APEH: variants seen among roughly 807,000 people sequenced by gnomAD.
APEH encodes the protein acylaminoacyl-peptide hydrolase.
A neutral mutation model predicts 102.7 loss-of-function variants in APEH; 75 were observed. That is an observed-to-expected ratio of 0.73 (90% confidence interval 0.61 to 0.89). The LOEUF (loss-of-function observed/expected upper bound fraction) is 0.89, where lower values mean the gene tolerates loss of function less well. Ranked by LOEUF, APEH falls within the 40% of genes least tolerant of loss-of-function variation. The probability of loss-of-function intolerance (pLI) is 0.00; values close to 1 mark genes in which losing one functional copy is unlikely to be tolerated. For missense variants in APEH, 863 were observed against 941.2 expected (o/e 0.92, Z 1.09); for synonymous variants, 344 against 362.7 (o/e 0.95, Z 0.59).
intron 17 of APEH, 76 bp downstream of exon 17, chr3:49,682,043 C>A: frequency 6.8e-7 from 1 of 1,465,036 alleles, no homozygotes; most frequent in South Asian, 1.1e-5. Context: ...GTATAAGTAC[C>A]ATGGGTGCCA....
chr3:49,679,042 C>T lies in APEH; in HGVS notation c.1158+93C>T, dbSNP rs2053201067. 5.7e-6 allele frequency: 6 copies of T among 1,050,892 alleles called. No homozygotes were observed. Among genetic ancestry groups the T allele is most frequent in the Non-Finnish European group, 7.1e-6 (5 of 705,768 alleles). The allele number at this position is 1,050,892 out of a possible 1,614,324, so 65.1% of individuals were successfully genotyped here. The stretch of plus-strand genomic sequence containing the variant: ...TGTGCATGCCCCTGGGTGGAATGCC[C>T]AGCCACAAAGTCTCATCAGCCCCTT... On this transcript the variant is annotated intron_variant, in intron 12 of 21. Coordinates refer to ENST00000296456, the MANE Select transcript of APEH (RefSeq NM_001640.4). This position sits in a 1 kb window ranked among gnomAD's most constrained non-coding sequence, Gnocchi z 4.3.
intron 3 of APEH, 102 bp downstream of exon 3, chr3:49,675,411 G>A: frequency 2.7e-6 from 4 of 1,504,924 alleles, no homozygotes; most frequent in Non-Finnish European, 3.6e-6. Flanking sequence ...CCAGCAGCCA[G>A]GTTCTTGCCC....
At position 49,675,906 on chromosome 3, in the gene APEH, C is replaced by A. The variant is rs372455516; in HGVS notation, c.382C>A (p.Arg128=). The A allele has an allele frequency of 6.2e-7, 1 of 1,614,122 alleles. No homozygotes were observed. The highest frequency in any genetic ancestry group is 8.5e-7 in the Non-Finnish European group (1 of 1,180,020). Reference sequence around the variant, plus strand: ...ATGTCCTCAGGTCTGGGAGAAGAACCGGAAGCTCAAGAGCTTCAACCTGTC... The same window carrying A: ...ATGTCCTCAGGTCTGGGAGAAGAACAGGAAGCTCAAGAGCTTCAACCTGTC... ...KQFLEVWEKN[R]KLKSFNLSAL... Residue 128 remains arginine (R), a synonymous_variant, in exon 5 of 22, where the codon CGG becomes AGG. Coordinates refer to ENST00000296456, the MANE Select transcript of APEH (RefSeq NM_001640.4).
chr3:49,675,870 C>T, intron 4 of APEH, 21 bp from the exon 5 acceptor site: 6 of 1,613,958 alleles, frequency 3.7e-6, no homozygotes, highest in Non-Finnish European at 5.1e-6. Flanking sequence ...GGCAAACAGC[C>T]TAATGCCCAG....
At position 49,681,128 on chromosome 3, in the gene APEH, A is replaced by G; in HGVS notation, c.1327A>G (p.Lys443Glu). 1 of 1,601,878 alleles carries G rather than the reference A, an allele frequency of 6.2e-7. No individual in the cohort carries two copies. The highest frequency in any genetic ancestry group is 1.1e-5 in the South Asian group (1 of 89,718). Reference sequence around the variant, plus strand: ...AGTTGGGTTCCTGCCTTCTGCAGGGAAGGAGCAGTCAGTGTTGTGGGTGTC... The same window carrying G: ...AGTTGGGTTCCTGCCTTCTGCAGGGGAGGAGCAGTCAGTGTTGTGGGTGTC... ...LKVGFLPSAG[K>E]EQSVLWVSLE... The change falls in exon 15 of 22, where the codon AAG becomes GAG. Residue 443 changes from lysine to glutamate, a missense_variant. By Grantham distance (56) the Lys-to-Glu change is moderately conservative (BLOSUM62 1). Coordinates refer to ENST00000296456, the MANE Select transcript of APEH (RefSeq NM_001640.4).
chr3:49,679,575 G>A lies in APEH; in HGVS notation c.1159-18G>A. 2 of 1,613,652 alleles carry A rather than the reference G, an allele frequency of 1.2e-6. No homozygotes were observed. Among genetic ancestry groups the A allele is most frequent in the Non-Finnish European group, 8.5e-7 (1 of 1,179,660 alleles). ...ACTCTTGGATGTGGTCGCACCTGTG[G>A]CCTTGCCTCTGCTTCAGGACCTGTT... On this transcript the variant is annotated intron_variant, in intron 12 of 21. Transcript: ENST00000296456. The surrounding 1 kb of genome is among the most constrained non-coding windows in gnomAD (Gnocchi z 4.3).
At chr3:49,675,623 G>T (rs752799388) in intron 3 of APEH, 71 bp from the exon 4 acceptor site, 4 of 1,417,832 alleles carry the variant, frequency 2.8e-6, no homozygotes, top group Admixed American at 3.4e-5. Flanking sequence ...TCTCCTAAGA[G>T]GTGTGCCCAG....
chr3:49,673,204 A>T (rs2052855807), upstream of APEH, among the ~76,000 whole-genome samples: 1 of 148,770 alleles, frequency 6.7e-6, no homozygotes, highest in Admixed American at 6.8e-5. Context: ...AATCACAAGC[A>T]CGCCATGGAG....
At position 49,683,153 on chromosome 3, in the gene APEH, G is replaced by A. The variant is rs778957177; in HGVS notation, c.2093+7G>A. The A allele has an allele frequency of 6.2e-7, 1 of 1,613,580 alleles. No homozygotes were observed. The highest frequency in any genetic ancestry group is 8.5e-7 in the Non-Finnish European group (1 of 1,179,536). The stretch of plus-strand genomic sequence containing the variant: ...CCCGGAATGTGCCTGTTCGGTGAGT[G>A]CAGCATGAAGGCCCTGGCAGCTGGT... On this transcript the variant is annotated splice_region_variant and intron_variant, in intron 21 of 21. Coordinates refer to ENST00000296456, the MANE Select transcript of APEH (RefSeq NM_001640.4).
At chr3:49,682,198 A>C (rs183007669) in intron 17 of APEH, 150 bp from the exon 18 acceptor site, 51 of 913,290 alleles carry the variant, frequency 5.6e-5, no homozygotes, top group Non-Finnish European at 6.2e-5. Context: ...ACTGGGTGGC[A>C]GCCTCAAATC....
At chr3:49,683,187 G>T in intron 21 of APEH, 41 bp downstream of exon 21, 1 of 1,609,946 alleles carries the variant, frequency 6.2e-7, no homozygotes, top group Non-Finnish European at 8.5e-7. Context: ...GTGGGCAGGT[G>T]AGCACAGGAG....
chr3:49,678,833 A>G lies in APEH; in HGVS notation c.1061-19A>G. ...TACCTCCACTCCTGGATGCAGCCTC[A>G]GCCCTCCTATCTTTACAGAGAACTT... is the stretch of plus-strand genomic sequence containing the variant. On this transcript the variant is annotated intron_variant, in intron 11 of 21. Transcript: ENST00000296456. 1 of 1,595,802 alleles carries G rather than the reference A, an allele frequency of 6.3e-7. No homozygotes were observed. Among genetic ancestry groups the G allele is most frequent in the East Asian group, 2.2e-5 (1 of 44,796 alleles).
Position 49,674,579 on chromosome 3 carries a change from G to A in APEH, c.103G>A (p.Val35Ile). Residue 35 changes from valine (V) to isoleucine (I), a missense_variant, in exon 2 of 22, where the codon GTC (valine) becomes ATC (isoleucine). Val to Ile is a conservative substitution (Grantham distance 29). Coordinates refer to ENST00000296456, the MANE Select transcript of APEH (RefSeq NM_001640.4). ...GAGCGCCGCCTGCCTGGGCCCGGAG[G>A]TCACCACGCAGTACGGCGGCCAATA... ...ALSAACLGPE[V>I]TTQYGGQYRT... 1.9e-6 allele frequency: 3 copies of A among 1,577,300 alleles called. No homozygotes were observed. Among genetic ancestry groups the A allele is most frequent in the Non-Finnish European group, 2.6e-6 (3 of 1,171,178 alleles).
chr3:49,682,045 T>C (rs747477181), intron 17 of APEH, 78 bp downstream of exon 17: 184 of 1,457,202 alleles, frequency 1.3e-4, no homozygotes, highest in Admixed American at 2.3e-4. Context: ...ATAAGTACCA[T>C]GGGTGCCACT....
At chr3:49,683,017 C>T (rs779281467) in intron 20 of APEH, 23 bp from the exon 21 acceptor site, 1 of 1,612,506 alleles carries the variant, frequency 6.2e-7, no homozygotes, top group Non-Finnish European at 8.5e-7. Context: ...AACACAGCTC[C>T]CCACTCTTCC....
intron 2 of APEH, 56 bp from the exon 3 acceptor site, chr3:49,675,127 G>A (rs2052964213): frequency 6.2e-7 from 1 of 1,611,140 alleles, no homozygotes. Context: ...TGGGGCTGGG[G>A]GCAGTAGCCA....
In APEH at chr3:49,676,634, G is replaced by T. The variant is rs760857017; in HGVS notation, c.770G>T (p.Gly257Val). The T allele has an allele frequency of 6.2e-7, 1 of 1,614,160 alleles. No individual in the cohort carries two copies. Among genetic ancestry groups the T allele is most frequent in the African/African-American group, 1.3e-5 (1 of 74,952 alleles). Residue 257 changes from glycine (G) to valine (V), a missense_variant, in exon 8 of 22, where the codon GGT (glycine) becomes GTT (valine). Transcript: ENST00000296456. ...GQAFWAPGDA[G>V]VVFVGWWHEP... ...GCATTTTGGGCCCCTGGAGATGCTG[G>T]TGTGGTGTTTGTGGGCTGGTGGCAT...
chr3:49,674,094 C>T, upstream of APEH: 2 of 477,502 alleles, frequency 4.2e-6, no homozygotes, highest in East Asian at 3.7e-5. Flanking sequence ...CTCCGAGATC[C>T]AACGCCTCGC....
chr3:49,678,235 A>T (rs1401076753), intron 11 of APEH, among the ~76,000 whole-genome samples: 1 of 152,118 alleles, frequency 6.6e-6, no homozygotes, highest in Non-Finnish European at 1.5e-5. Flanking sequence ...CCAGGAGTTC[A>T]GTGGACAAGG....
Sources: allele counts gnomAD v4.1 joint callset (sites outside exome capture counted in the v4.1 genomes callset), GRCh38; gene constraint gnomAD v4.1.1; non-coding constraint Gnocchi (gnomAD v3.1); transcripts MANE v1.5; gene names NCBI Gene and HGNC (gene_info 2026-07-23, HGNC 2026-07-21).